CYFIP2: variants seen among roughly 807,000 people sequenced by gnomAD.
CYFIP2 encodes cytoplasmic FMR1 interacting protein 2.
In CYFIP2, 29 loss-of-function variants were observed where a neutral mutation model predicts 158.7. The ratio of observed to expected loss-of-function variants is 0.18; its 90% confidence interval spans 0.14 to 0.25. The LOEUF (loss-of-function observed/expected upper bound fraction) is 0.25, where lower values mean the gene tolerates loss of function less well. Among genes scored for constraint, CYFIP2 ranks in the 10% least tolerant of loss-of-function variants. The probability of loss-of-function intolerance (pLI) is 1.00; values close to 1 mark genes in which losing one functional copy is unlikely to be tolerated. For synonymous variants in CYFIP2, 585 were observed against 617.6 expected, an observed-to-expected ratio of 0.95 and a Z score of 0.78; for missense variants, 852 against 1,639.5, an observed-to-expected ratio of 0.52 and a Z score of 8.29.
chr5:157,347,937 C>T (rs988591347), intron 23 of CYFIP2, among the ~76,000 whole-genome samples: 2 of 152,212 alleles, frequency 1.3e-5, no homozygotes, highest in African/African-American at 4.8e-5. Context: ...GAGCTGTCGC[C>T]GCTCACCAGC....
At chr5:157,364,353 G>A (rs886372436) in intron 26 of CYFIP2, 1 of 151,994 alleles carries the variant, frequency 6.6e-6, no homozygotes, top group Non-Finnish European at 1.5e-5. Context: ...GCAAGGAAAG[G>A]ACCACTTCCT....
intron 21 of CYFIP2, among the ~76,000 whole-genome samples, chr5:157,338,653 T>C (rs1352464793): frequency 6.6e-6 from 1 of 152,246 alleles, no homozygotes; most frequent in Non-Finnish European, 1.5e-5. Flanking sequence ...AGTAACGTCA[T>C]AGGGTTCAAC....
In CYFIP2 at chr5:157,360,226, C is replaced by G. The variant is rs1763713653; in HGVS notation, c.2818-56C>G. The G allele has an allele frequency of 6.1e-6, 9 of 1,473,692 alleles. No individual in the cohort carries two copies. The Admixed American group carries it at 1.2e-4, about 20-fold the overall frequency. 91.3% of individuals were successfully genotyped at this position (1,473,692 alleles called of 1,614,324 possible). A position where few individuals can be genotyped will look rare whatever the true frequency, so the allele number is the denominator to read the frequency against. On this transcript the variant is annotated intron_variant, in intron 24 of 30. Transcript: ENST00000620254. ...CCTCTCAGAGGTCTCAGCATAACCT[C>G]CATACCCCGCATAGCCCAGAATTCA...
chr5:157,309,894 C>T, intron 10 of CYFIP2, 60 bp downstream of exon 10: 1 of 1,477,874 alleles, frequency 6.8e-7, no homozygotes, highest in Non-Finnish European at 9.3e-7. Flanking sequence ...GGGCAGAGAG[C>T]CGAGGGGCCA....
At position 157,304,392 on chromosome 5, in the gene CYFIP2, A is replaced by G. The variant is rs183403800; in HGVS notation, c.795+26A>G. On this transcript the variant is annotated intron_variant, in intron 8 of 30. Coordinates refer to ENST00000620254, the MANE Select transcript of CYFIP2 (RefSeq NM_001037333.3). The stretch of plus-strand genomic sequence containing the variant: ...GTAAAACTCCCCTGAGGCCGCACCC[A>G]TGGAGCCTGGGCTTACCCTCTCACC... The G allele has an allele frequency of 6.9e-4, 1,114 of 1,605,976 alleles. 4 individuals are homozygous for G. Among genetic ancestry groups the G allele is most frequent in the Non-Finnish European group, 6.2e-4 (733 of 1,174,390 alleles).
rs904493371 is a variant in CYFIP2 at position 157,266,888 on chromosome 5, C to T, written c.-24+693C>T. On this transcript the variant is annotated intron_variant, in intron 1 of 30. Transcript: ENST00000620254. This position sits in a 1 kb window ranked among gnomAD's most constrained non-coding sequence, Gnocchi z 4.2. ...TCCTGGGGGAAAAGGTGGTTTTTTT[C>T]TTGAGCTCTGAAGAACCAGGAAGAT... The T allele has an allele frequency of 6.6e-6, 1 of 152,568 alleles. No individual in the cohort carries two copies. The allele number at this position is 152,568 out of a possible 1,614,324, so 9.5% of individuals were successfully genotyped here.
At chr5:157,348,155 A>G (rs1762824388) in intron 23 of CYFIP2, among the ~76,000 whole-genome samples, 1 of 152,254 alleles carries the variant, frequency 6.6e-6, no homozygotes, top group South Asian at 2.1e-4. Flanking sequence ...GCTAGAGGAA[A>G]TCAGCTAGGA....
chr5:157,282,479 G>A (rs1419450899), intron 1 of CYFIP2, among the ~76,000 whole-genome samples: 1 of 152,220 alleles, frequency 6.6e-6, no homozygotes, highest in African/African-American at 2.4e-5. Context: ...ATGAGATTTG[G>A]GTGAGGGCAA....
chr5:157,342,895 G>C, intron 23 of CYFIP2: 1 of 1,613,852 alleles, frequency 6.2e-7, no homozygotes. Flanking sequence ...TAGCGGGTGG[G>C]TCACCACCCC....
chr5:157,312,908 C>T (rs1015793502), intron 11 of CYFIP2, among the ~76,000 whole-genome samples: 1 of 152,072 alleles, frequency 6.6e-6, no homozygotes, highest in South Asian at 2.1e-4. Flanking sequence ...AAATAGATCT[C>T]ATTATGTTGC....
intron 23 of CYFIP2, among the ~76,000 whole-genome samples, chr5:157,349,911 C>G (rs1173060806): frequency 6.6e-6 from 1 of 152,186 alleles, no homozygotes. Context: ...ATTTGTATAT[C>G]TTCTTTTGAG....
chr5:157,390,764 C>G lies in CYFIP2; in HGVS notation c.3594+96C>G, dbSNP rs574626440. 11 of 1,518,820 alleles carry G rather than the reference C, an allele frequency of 7.2e-6. No homozygotes were observed. In the African/African-American group the frequency reaches 1.1e-4, roughly 15 times the overall value. The allele number at this position is 1,518,820 out of a possible 1,614,324, so 94.1% of individuals were successfully genotyped here. A position where few individuals can be genotyped will look rare whatever the true frequency, so the allele number is the denominator to read the frequency against. On this transcript the variant is annotated intron_variant, in intron 30 of 30. Coordinates refer to ENST00000620254, the MANE Select transcript of CYFIP2 (RefSeq NM_001037333.3). Reference sequence around the variant, plus strand: ...AACAAGGAGGAGCTGCTTGTGAAGGCCAGCTCCCCACACGGCAAGTACAAA... The same window carrying G: ...AACAAGGAGGAGCTGCTTGTGAAGGGCAGCTCCCCACACGGCAAGTACAAA...
At chr5:157,283,748 G>A (rs1191112757) in intron 1 of CYFIP2, among the ~76,000 whole-genome samples, 4 of 152,168 alleles carry the variant, frequency 2.6e-5, no homozygotes, top group African/African-American at 9.7e-5. Flanking sequence ...TGCCCTCCCA[G>A]CCTTGGGCCT....
intron 26 of CYFIP2, among the ~76,000 whole-genome samples, chr5:157,375,168 A>T (rs770635836): frequency 2.6e-5 from 4 of 152,234 alleles, no homozygotes; most frequent in Admixed American, 2.0e-4. Context: ...ATATTAAAGA[A>T]GATGATTGCC....
At chr5:157,390,806 G>C in intron 30 of CYFIP2, 138 bp downstream of exon 30, 1 of 1,384,852 alleles carries the variant, frequency 7.2e-7, no homozygotes, top group Non-Finnish European at 9.8e-7. Context: ...ATAGGCTGGG[G>C]ACCTGCTTAG....
chr5:157,341,195 G>T (rs756411235), intron 23 of CYFIP2, 38 bp downstream of exon 23: 1 of 1,591,062 alleles, frequency 6.3e-7, no homozygotes, highest in African/African-American at 1.3e-5. Context: ...GAAGAGGGTT[G>T]GTGAGAAAAA....
intron 28 of CYFIP2, 119 bp downstream of exon 28, chr5:157,383,478 C>A: frequency 4.6e-6 from 4 of 878,830 alleles, no homozygotes; most frequent in Non-Finnish European, 7.0e-6. Context: ...AGACAATGTC[C>A]AATACCCAAA....
intron 3 of CYFIP2, among the ~76,000 whole-genome samples, chr5:157,291,796 A>G (rs1208900724): frequency 6.6e-6 from 1 of 152,250 alleles, no homozygotes; most frequent in Non-Finnish European, 1.5e-5. Context: ...CTGCTGTTAT[A>G]CTAATAAGAT....
intron 1 of CYFIP2, among the ~76,000 whole-genome samples, chr5:157,280,363 A>ATTTTTTTTTTTTTTTTTTT (rs57893061): frequency 2.3e-5 from 3 of 133,228 alleles, no homozygotes; most frequent in South Asian, 2.4e-4. Context: ...CGCCTGGCTA[A>ATTTTTTTTTTTTTTTTTTT]TTTTTTTTTT....
Sources: allele counts gnomAD v4.1 joint callset (sites outside exome capture counted in the v4.1 genomes callset), GRCh38; gene constraint gnomAD v4.1.1; non-coding constraint Gnocchi (gnomAD v3.1); transcripts MANE v1.5; gene names NCBI Gene and HGNC (gene_info 2026-07-23, HGNC 2026-07-21).